Variants in CRACDL observed in about 807,000 individuals in gnomAD.
CRACDL encodes CRACD-like protein.
A neutral mutation model predicts 70.6 loss-of-function variants in CRACDL; 26 were observed. The observed-to-expected ratio is 0.37, with a 90% CI of 0.27 to 0.51. CRACDL has a LOEUF of 0.51. Among genes scored for constraint, CRACDL ranks in the 20% least tolerant of loss-of-function variants. CRACDL has a pLI of 0.94. For synonymous variants in CRACDL, 618 were observed against 615.2 expected, an observed-to-expected ratio of 1.00 and a Z score of -0.07; for missense variants, 1,283 against 1,376.9, an observed-to-expected ratio of 0.93 and a Z score of 1.08.
rs774128489 is a variant in CRACDL at position 98,822,254 on chromosome 2, C to T, written c.2019G>A (p.Pro673=). 3 of 1,596,284 alleles carry T rather than the reference C, an allele frequency of 1.9e-6. No homozygotes were observed. Among genetic ancestry groups the T allele is most frequent in the Non-Finnish European group, 2.5e-6 (3 of 1,176,926 alleles). ...AGGGGTTTCTGTCCTCACTCGGGGCCGGCTCCTGGGCGGCTGGGCAGGGCT... is the reference window on the plus strand; with the variant it reads ...AGGGGTTTCTGTCCTCACTCGGGGCTGGCTCCTGGGCGGCTGGGCAGGGCT... ...TREPCPAAQE[P]APSEDRNPFP... is the part of the protein sequence containing the mutation. The change falls in exon 7 of 10, where the codon CCG becomes CCA. Residue 673 remains proline, a synonymous_variant. Coordinates refer to ENST00000397899, the MANE Select transcript of CRACDL (RefSeq NM_207362.3). This position sits in a 1 kb window ranked among gnomAD's most constrained non-coding sequence, Gnocchi z 4.9.
intron 1 of CRACDL, among the ~76,000 whole-genome samples, chr2:98,851,789 C>G (rs1706492750): frequency 6.6e-6 from 1 of 152,140 alleles, no homozygotes; most frequent in Non-Finnish European, 1.5e-5. Flanking sequence ...GGTAGAGTAG[C>G]CTACACCACA....
At chr2:98,919,648 T>C (rs1385362623) in intron 1 of CRACDL, among the ~76,000 whole-genome samples, 8 of 152,364 alleles carry the variant, frequency 5.3e-5, no homozygotes, top group Admixed American at 2.6e-4. Flanking sequence ...CCCAAGTGGT[T>C]AAATAGTAAC....
intron 1 of CRACDL, among the ~76,000 whole-genome samples, chr2:98,893,674 A>G (rs1708039307): frequency 6.6e-6 from 1 of 152,194 alleles, no homozygotes; most frequent in Admixed American, 6.5e-5. Context: ...GGAAGGGATT[A>G]TATCTTTTTA....
intron 1 of CRACDL, among the ~76,000 whole-genome samples, chr2:98,934,978 T>C (rs755805733): frequency 6.6e-6 from 1 of 152,196 alleles, no homozygotes; most frequent in Non-Finnish European, 1.5e-5. Context: ...GATATCTTTC[T>C]CCTCACAATT....
chr2:98,907,247 G>C lies in CRACDL; in HGVS notation c.-11+28691C>G, dbSNP rs371930711. ...GCGGAGGTTGCGGTGAGCCAAGATC[G>C]CGCCATTGCACTGCAGCCTAGGCGA... On this transcript the variant is annotated intron_variant, in intron 1 of 9. Coordinates refer to ENST00000397899, the MANE Select transcript of CRACDL (RefSeq NM_207362.3). Among the ~76,000 whole-genome samples, 11 of 152,300 alleles carry C rather than the reference G, an allele frequency of 7.2e-5. No homozygotes were observed. In the East Asian group the frequency reaches 1.9e-3, roughly 27 times the overall value.
Position 98,822,682 on chromosome 2 carries a change from C to G in CRACDL, c.1591G>C (p.Asp531His). ...PPVEPGPGSL[D>H]AEAAAPERPK... ...CGCTCCGGGGCGGCGGCCTCTGCGT[C>G]GAGGGAACCGGGGCCGGGCTCCACC... Residue 531 changes from aspartate (D) to histidine (H), a missense_variant, in exon 7 of 10, where the codon GAC (aspartate) becomes CAC (histidine). Around this residue, in one of 2 missense-constraint regions of CRACDL, gnomAD observed 921 missense variants for 881.9 expected, o/e 1.04. Coordinates refer to ENST00000397899, the MANE Select transcript of CRACDL (RefSeq NM_207362.3). This position sits in a 1 kb window ranked among gnomAD's most constrained non-coding sequence, Gnocchi z 4.9. 1 of 1,271,504 alleles carries G rather than the reference C, an allele frequency of 7.9e-7. No individual in the cohort carries two copies. The highest frequency in any genetic ancestry group is 9.9e-7 in the Non-Finnish European group (1 of 1,012,012). The allele number at this position is 1,271,504 out of a possible 1,614,324, so 78.8% of individuals were successfully genotyped here. A position where few individuals can be genotyped will look rare whatever the true frequency, so the allele number is the denominator to read the frequency against.
At chr2:98,803,873 G>A (rs1294461326) in intron 7 of CRACDL, among the ~76,000 whole-genome samples, 3 of 152,172 alleles carry the variant, frequency 2.0e-5, no homozygotes, top group Non-Finnish European at 2.9e-5. Flanking sequence ...TTGACCTGGT[G>A]GAAATGGGAC....
chr2:98,906,568 C>T (rs1048981861), intron 1 of CRACDL, among the ~76,000 whole-genome samples: 1 of 152,082 alleles, frequency 6.6e-6, no homozygotes, highest in Non-Finnish European at 1.5e-5. Flanking sequence ...GGCCATCCAA[C>T]CAGTGAATTC....
intron 7 of CRACDL, among the ~76,000 whole-genome samples, chr2:98,808,440 C>T (rs1465288757): frequency 6.6e-6 from 1 of 152,198 alleles, no homozygotes; most frequent in Non-Finnish European, 1.5e-5. Context: ...CTCTGAGCTT[C>T]TGCCCAAAGA....
chr2:98,900,284 G>T (rs1010445200), intron 1 of CRACDL, among the ~76,000 whole-genome samples: 1 of 116,538 alleles, frequency 8.6e-6, no homozygotes, highest in Non-Finnish European at 1.8e-5. Flanking sequence ...AGTGGGAGGG[G>T]AGGTAGGGGA....
rs991335483 is a variant in CRACDL at position 98,861,629 on chromosome 2, G to A, written c.-10-14819C>T. On this transcript the variant is annotated intron_variant, in intron 1 of 9. Transcript: ENST00000397899. ...TGTCCATGAAAGATTCTGAGAAAAC[G>A]TTAGTATAGAAAGCACCAGGAATCT... Among the ~76,000 whole-genome samples the A allele has an allele frequency of 3.3e-5, 5 of 152,088 alleles. No homozygotes were observed. The East Asian group carries it at 5.8e-4, about 18-fold the overall frequency.
intron 7 of CRACDL, among the ~76,000 whole-genome samples, chr2:98,821,482 C>A (rs1412713885): frequency 6.6e-6 from 1 of 152,206 alleles, no homozygotes; most frequent in African/African-American, 2.4e-5. Context: ...TCGGCCTATT[C>A]CTTACTCTAG....
intron 1 of CRACDL, among the ~76,000 whole-genome samples, chr2:98,858,431 C>T (rs1706795827): frequency 6.7e-6 from 1 of 148,970 alleles, no homozygotes; most frequent in Non-Finnish European, 1.5e-5. Context: ...ATGATAATCT[C>T]TTGAACCTGG....
intron 1 of CRACDL, among the ~76,000 whole-genome samples, chr2:98,854,144 T>C (rs1342292234): frequency 6.6e-6 from 1 of 151,182 alleles, no homozygotes; most frequent in Admixed American, 6.6e-5. Context: ...TAGCTGGGCG[T>C]GGTAGTGGGC....
At chr2:98,926,854 G>T (rs548062578) in intron 1 of CRACDL, among the ~76,000 whole-genome samples, 1 of 152,170 alleles carries the variant, frequency 6.6e-6, no homozygotes, top group Non-Finnish European at 1.5e-5. Flanking sequence ...GACTCAACAC[G>T]GCCAGGAAAG....
chr2:98,867,605 A>G (rs1707197050), intron 1 of CRACDL, among the ~76,000 whole-genome samples: 1 of 152,250 alleles, frequency 6.6e-6, no homozygotes, highest in Admixed American at 6.5e-5. Flanking sequence ...ATCAGACTTC[A>G]TAGCCTTATT....
chr2:98,928,300 G>A (rs1208732532), intron 1 of CRACDL, among the ~76,000 whole-genome samples: 2 of 152,216 alleles, frequency 1.3e-5, no homozygotes, highest in Non-Finnish European at 2.9e-5. Flanking sequence ...TGTATAGTCA[G>A]TATAGCACAG....
intron 1 of CRACDL, among the ~76,000 whole-genome samples, chr2:98,912,501 T>C (rs888669474): frequency 6.6e-6 from 1 of 152,246 alleles, no homozygotes; most frequent in Non-Finnish European, 1.5e-5. Context: ...TTGCAAGGCC[T>C]GGTCCTTTGA....
chr2:98,918,140 A>G lies in CRACDL; in HGVS notation c.-11+17798T>C, dbSNP rs1050923850. Among the ~76,000 whole-genome samples the G allele has an allele frequency of 2.0e-5, 3 of 152,304 alleles. No individual in the cohort carries two copies. In the South Asian group the frequency reaches 6.2e-4, roughly 32 times the overall value. Reference sequence around the variant, plus strand: ...CTTTTCCTTAGGGTAGATACCCAGCAGTAGGATTACTGAATTGGATGGTAG... The same window carrying G: ...CTTTTCCTTAGGGTAGATACCCAGCGGTAGGATTACTGAATTGGATGGTAG... On this transcript the variant is annotated intron_variant, in intron 1 of 9. Coordinates refer to ENST00000397899, the MANE Select transcript of CRACDL (RefSeq NM_207362.3).
Sources: allele counts gnomAD v4.1 joint callset (sites outside exome capture counted in the v4.1 genomes callset), GRCh38; gene constraint gnomAD v4.1.1; regional missense constraint gnomAD v4.1.1; non-coding constraint Gnocchi (gnomAD v3.1); transcripts MANE v1.5; gene names NCBI Gene and HGNC (gene_info 2026-07-23, HGNC 2026-07-21).